Variants in PELI2 observed in about 807,000 individuals in gnomAD.
PELI2 encodes the protein pellino E3 ubiquitin protein ligase family member 2.
A neutral mutation model predicts 42.3 loss-of-function variants in PELI2; 23 were observed. That is an observed-to-expected ratio of 0.54 (90% CI 0.39 to 0.77). The LOEUF (loss-of-function observed/expected upper bound fraction) is 0.77. Among genes scored for constraint, PELI2 ranks in the 30% least tolerant of loss-of-function variants. The pLI is 0.00. For missense variants in PELI2, 463 were observed against 553.2 expected (o/e 0.84, Z 1.64); for synonymous variants, 245 against 212.2 (o/e 1.15, Z -1.34).
chr14:56,226,908 T>C (rs566958493), intron 2 of PELI2, among the ~76,000 whole-genome samples: 1 of 152,320 alleles, frequency 6.6e-6, no homozygotes, highest in South Asian at 2.1e-4. Context: ...TTAGTAGGAA[T>C]TACTCACATT....
chr14:56,118,596 A>G lies in PELI2; in HGVS notation c.-65A>G, dbSNP rs563670996. The G allele has an allele frequency of 5.1e-4, 537 of 1,045,390 alleles. 1 individual carries two copies. In the African/African-American group the frequency reaches 8.3e-3, roughly 16 times the overall value. 64.8% of individuals were successfully genotyped at this position (1,045,390 alleles called of 1,614,324 possible). ...GGATGGGATTGTAGCGGCGGCGCGG[A>G]CTCGGCGGGGATCGCGGCGGAGGCG... On this transcript the variant is annotated 5_prime_UTR_variant, in exon 1 of 6. Transcript: ENST00000267460.
chr14:56,135,567 G>C (rs1883656446), intron 1 of PELI2, among the ~76,000 whole-genome samples: 1 of 152,222 alleles, frequency 6.6e-6, no homozygotes, highest in South Asian at 2.1e-4. Context: ...ATTTCTTCAA[G>C]AGGTGACATC....
chr14:56,208,311 A>G (rs1886589050), intron 2 of PELI2, among the ~76,000 whole-genome samples: 1 of 152,222 alleles, frequency 6.6e-6, no homozygotes, highest in Admixed American at 6.5e-5. Context: ...AAGAGATGTC[A>G]TCTAAGACCT....
Position 56,118,624 on chromosome 14 carries a change from G to C in PELI2, c.-37G>C. ...CGGCGGGGATCGCGGCGGAGGCGGC[G>C]GCGTCGGCGGCGGCGTCGGCGGCCG... On this transcript the variant is annotated 5_prime_UTR_variant, in exon 1 of 6. Coordinates refer to ENST00000267460, the MANE Select transcript of PELI2 (RefSeq NM_021255.3). 7.8e-7 allele frequency: 1 copy of C among 1,278,992 alleles called. No individual in the cohort carries two copies. The highest frequency in any genetic ancestry group is 1.0e-6 in the Non-Finnish European group (1 of 982,806). 79.2% of individuals were successfully genotyped at this position (1,278,992 alleles called of 1,614,324 possible).
chr14:56,207,113 A>G (rs901812213), intron 2 of PELI2, among the ~76,000 whole-genome samples: 7 of 152,198 alleles, frequency 4.6e-5, no homozygotes, highest in African/African-American at 1.7e-4. Context: ...AGATTCATGA[A>G]TGGTATCTTT....
In PELI2 at chr14:56,272,211, G is replaced by A. The variant is rs1330556454; in HGVS notation, c.208-7465G>A. ...TGCAGTTCTATAATAGTCAACTTCC[G>A]GGATGTCTAGACAAGAGGGATATTA... is the stretch of plus-strand genomic sequence containing the variant. On this transcript the variant is annotated intron_variant, in intron 2 of 5. Coordinates refer to ENST00000267460, the MANE Select transcript of PELI2 (RefSeq NM_021255.3). 1.5e-4 allele frequency among the ~76,000 whole-genome samples: 23 copies of A among 152,182 alleles called. 1 individual carries two copies. The highest frequency in any genetic ancestry group is 1.3e-3 in the Admixed American group (20 of 15,282).
intron 2 of PELI2, among the ~76,000 whole-genome samples, chr14:56,243,442 G>C (rs1888048114): frequency 6.6e-6 from 1 of 152,144 alleles, no homozygotes; most frequent in African/African-American, 2.4e-5. Context: ...CCTGGCCCCA[G>C]TTCCTGGCAC....
intron 1 of PELI2, among the ~76,000 whole-genome samples, chr14:56,169,963 G>A (rs905041093): frequency 1.3e-5 from 2 of 152,158 alleles, no homozygotes; most frequent in Non-Finnish European, 2.9e-5. Context: ...CCTTAAACGC[G>A]GTTGGAATAG....
At position 56,273,632 on chromosome 14, in the gene PELI2, T is replaced by G. The variant is rs1269171666; in HGVS notation, c.208-6044T>G. Among the ~76,000 whole-genome samples, 1 of 152,232 alleles carries G rather than the reference T, an allele frequency of 6.6e-6. No homozygotes were observed. The highest frequency in any genetic ancestry group is 1.5e-5 in the Non-Finnish European group (1 of 68,040). On this transcript the variant is annotated intron_variant, in intron 2 of 5. Coordinates refer to ENST00000267460, the MANE Select transcript of PELI2 (RefSeq NM_021255.3). This position sits in a 1 kb window ranked among gnomAD's most constrained non-coding sequence, Gnocchi z 4.3. ...TTAATACAGTGAAATCAGCCCGGCT[T>G]TGACTCCCTATTGGATTAATTATGA...
At chr14:56,125,673 G>A (rs1416825345) in intron 1 of PELI2, among the ~76,000 whole-genome samples, 4 of 152,168 alleles carry the variant, frequency 2.6e-5, no homozygotes, top group East Asian at 1.9e-4. Flanking sequence ...AAATAGAAGT[G>A]TAAACAAATA....
intron 2 of PELI2, among the ~76,000 whole-genome samples, chr14:56,181,892 G>A (rs1246125276): frequency 1.3e-5 from 2 of 151,682 alleles, no homozygotes; most frequent in Non-Finnish European, 2.9e-5. Flanking sequence ...TAAAAGTCCT[G>A]TTTTACTTCT....
intron 2 of PELI2, among the ~76,000 whole-genome samples, chr14:56,237,580 C>G (rs1054277955): frequency 2.0e-5 from 3 of 151,924 alleles, no homozygotes; most frequent in Admixed American, 2.0e-4. Context: ...TCCTCCACCA[C>G]TAAGCTTCCT....
At chr14:56,189,586 T>C (rs1208177085) in intron 2 of PELI2, among the ~76,000 whole-genome samples, 1 of 152,230 alleles carries the variant, frequency 6.6e-6, no homozygotes, top group Non-Finnish European at 1.5e-5. Context: ...TACTACGTGG[T>C]AGCAGTTGAT....
In PELI2 at chr14:56,297,221, A is replaced by G; in HGVS notation, c.*55A>G. Reference sequence around the variant, plus strand: ...AACAGGTTACTGTGAAGATTTTGCCACTAACTCTAGATTTTACCTTTTTGT... The same window carrying G: ...AACAGGTTACTGTGAAGATTTTGCCGCTAACTCTAGATTTTACCTTTTTGT... On this transcript the variant is annotated 3_prime_UTR_variant, in exon 6 of 6. Coordinates refer to ENST00000267460, the MANE Select transcript of PELI2 (RefSeq NM_021255.3). The G allele has an allele frequency of 2.4e-6, 3 of 1,266,970 alleles. No individual in the cohort carries two copies. Among genetic ancestry groups the G allele is most frequent in the Admixed American group, 2.1e-5 (1 of 47,680 alleles). The allele number at this position is 1,266,970 out of a possible 1,614,324, so 78.5% of individuals were successfully genotyped here.
chr14:56,118,704 A>G lies in PELI2; in HGVS notation c.44A>G (p.Glu15Gly). The G allele has an allele frequency of 6.5e-7, 1 of 1,529,394 alleles. No individual in the cohort carries two copies. The highest frequency in any genetic ancestry group is 8.8e-7 in the Non-Finnish European group (1 of 1,138,238). The allele number at this position is 1,529,394 out of a possible 1,614,324, so 94.7% of individuals were successfully genotyped here. ...GQEEHCAPNK[E>G]PVKYGELVVL... ...GAGGAACACTGCGCCCCCAATAAGG[A>G]GCCAGTGAAATACGGGGAGCTGGTG... The change falls in exon 1 of 6, where the codon GAG becomes GGG. Residue 15 changes from glutamate (E) to glycine (G), a missense_variant. Glu to Gly is a moderately conservative substitution (Grantham distance 98). Transcript: ENST00000267460.
rs77516646 is a variant in PELI2, at chr14:56,297,449, G to A, written c.*283G>A. 9,050 of 297,070 alleles carry A rather than the reference G, an allele frequency of 0.03. 187 individuals carry two copies. Among genetic ancestry groups the A allele is most frequent in the Non-Finnish European group, 0.041 (6,807 of 165,366 alleles). The allele number at this position is 297,070 out of a possible 1,614,324, so 18.4% of individuals were successfully genotyped here. A position where few individuals can be genotyped will look rare whatever the true frequency, so the allele number is the denominator to read the frequency against. On this transcript the variant is annotated 3_prime_UTR_variant, in exon 6 of 6. Coordinates refer to ENST00000267460, the MANE Select transcript of PELI2 (RefSeq NM_021255.3). The stretch of plus-strand genomic sequence containing the variant: ...TGCTATGCTTCTATTTTTAACCTTG[G>A]GTTTTTAACCAAGTTTTTTTTTTTT...
intron 2 of PELI2, among the ~76,000 whole-genome samples, chr14:56,249,442 A>G (rs1023646062): frequency 6.6e-6 from 1 of 152,054 alleles, no homozygotes; most frequent in Non-Finnish European, 1.5e-5. Flanking sequence ...TCCTATTTAA[A>G]TCCTGCAGCC....
chr14:56,124,037 G>A (rs1337672059), intron 1 of PELI2, among the ~76,000 whole-genome samples: 1 of 152,122 alleles, frequency 6.6e-6, no homozygotes, highest in Non-Finnish European at 1.5e-5. Context: ...TTAATTAAAC[G>A]TTTCTCCTGG....
At chr14:56,185,278 G>A (rs1418408950) in intron 2 of PELI2, among the ~76,000 whole-genome samples, 1 of 152,032 alleles carries the variant, frequency 6.6e-6, no homozygotes, top group Non-Finnish European at 1.5e-5. Context: ...ATGTTTTTAT[G>A]TAGTTCTTTT....
Sources: allele counts gnomAD v4.1 joint callset (sites outside exome capture counted in the v4.1 genomes callset), GRCh38; gene constraint gnomAD v4.1.1; non-coding constraint Gnocchi (gnomAD v3.1); transcripts MANE v1.5; gene names NCBI Gene and HGNC (gene_info 2026-07-23, HGNC 2026-07-21).